POU2F1: variants seen among roughly 807,000 people sequenced by gnomAD.
The protein encoded by POU2F1 is POU domain, class 2, transcription factor 1.
A neutral mutation model predicts 84.9 loss-of-function variants in POU2F1; 16 were observed. The ratio of observed to expected loss-of-function variants is 0.19; its 90% CI spans 0.13 to 0.29. POU2F1 has a LOEUF of 0.29. Ranked by LOEUF, POU2F1 falls within the 10% of genes least tolerant of loss-of-function variation. The pLI is 1.00. For synonymous variants in POU2F1, 368 were observed against 368.3 expected (o/e 1.00, Z 0.01); for missense variants, 738 against 942.6 (o/e 0.78, Z 2.84).
intron 1 of POU2F1, among the ~76,000 whole-genome samples, chr1:167,284,330 T>G (rs941630868): frequency 6.6e-6 from 1 of 152,210 alleles, no homozygotes; most frequent in Non-Finnish European, 1.5e-5. Flanking sequence ...AGGTTCTTGA[T>G]AGTAGAATGA....
chr1:167,246,383 A>G (rs532102333), intron 1 of POU2F1, among the ~76,000 whole-genome samples: 1 of 152,202 alleles, frequency 6.6e-6, no homozygotes, highest in African/African-American at 2.4e-5. Context: ...ATAACTTTAC[A>G]TATTTACATT....
intron 8 of POU2F1, among the ~76,000 whole-genome samples, chr1:167,384,232 C>T (rs962214390): frequency 2.0e-5 from 3 of 152,058 alleles, no homozygotes; most frequent in African/African-American, 4.8e-5. Flanking sequence ...CCATACTTGG[C>T]GGTAGATATT....
At chr1:167,298,161 CAAAT>C (rs1337503909) in intron 1 of POU2F1, among the ~76,000 whole-genome samples, 5 of 151,862 alleles carry the variant, frequency 3.3e-5, no homozygotes, top group Non-Finnish European at 7.4e-5. Context: ...CAAAAACAAA[CAAAT>C]AGAGCAAGAA....
At chr1:167,378,528 T>C (rs1328055184) in intron 7 of POU2F1, among the ~76,000 whole-genome samples, 1 of 151,454 alleles carries the variant, frequency 6.6e-6, no homozygotes, top group Non-Finnish European at 1.5e-5. Flanking sequence ...TGTCTCAGCC[T>C]CCTGAGTAGC....
chr1:167,292,067 A>G (rs1172676783), intron 1 of POU2F1, among the ~76,000 whole-genome samples: 1 of 152,010 alleles, frequency 6.6e-6, no homozygotes, highest in Non-Finnish European at 1.5e-5. Context: ...AAATATTTAT[A>G]TTACCGTGTC....
chr1:167,399,631 A>G (rs1649051622), intron 12 of POU2F1, among the ~76,000 whole-genome samples: 1 of 151,606 alleles, frequency 6.6e-6, no homozygotes, highest in South Asian at 2.1e-4. Flanking sequence ...GTTGTTATTA[A>G]CCCAAGAACT....
intron 2 of POU2F1, among the ~76,000 whole-genome samples, chr1:167,341,014 T>C (rs1156577948): frequency 6.6e-6 from 1 of 152,262 alleles, no homozygotes; most frequent in South Asian, 2.1e-4. Flanking sequence ...ATGATGATGC[T>C]AGGCAATTTA....
At chr1:167,280,952 T>C (rs1238557666) in intron 1 of POU2F1, among the ~76,000 whole-genome samples, 1 of 152,218 alleles carries the variant, frequency 6.6e-6, no homozygotes, top group South Asian at 2.1e-4. Context: ...GTAACACTAA[T>C]GTAAATCATA....
At chr1:167,337,991 G>A in intron 2 of POU2F1, 2 of 386,080 alleles carry the variant, frequency 5.2e-6, no homozygotes, top group South Asian at 2.0e-5. Context: ...TTATGATATG[G>A]GCACTGAAAC....
intron 1 of POU2F1, among the ~76,000 whole-genome samples, chr1:167,262,101 T>C (rs923869808): frequency 3.3e-5 from 5 of 152,234 alleles, no homozygotes; most frequent in Non-Finnish European, 5.9e-5. Context: ...TTTATACTTA[T>C]TTTTAATCAT....
chr1:167,302,227 G>A (rs1352114883), intron 1 of POU2F1, among the ~76,000 whole-genome samples: 1 of 151,024 alleles, frequency 6.6e-6, no homozygotes, highest in Non-Finnish European at 1.5e-5. Flanking sequence ...GGGATTACAG[G>A]CACACGCCAC....
intron 2 of POU2F1, among the ~76,000 whole-genome samples, chr1:167,364,207 A>G (rs922778405): frequency 6.6e-6 from 1 of 152,210 alleles, no homozygotes; most frequent in African/African-American, 2.4e-5. Flanking sequence ...CTTTCCATAA[A>G]TTAGCCCTAT....
At chr1:167,411,870 C>A in intron 13 of POU2F1, 89 bp from the exon 14 acceptor site, 2 of 1,198,992 alleles carry the variant, frequency 1.7e-6, no homozygotes, top group Non-Finnish European at 2.3e-6. Flanking sequence ...GTTAATTATT[C>A]CATTGATTAT....
At chr1:167,324,061 GA>G (rs1459608772) in intron 1 of POU2F1, among the ~76,000 whole-genome samples, 1 of 152,116 alleles carries the variant, frequency 6.6e-6, no homozygotes, top group Non-Finnish European at 1.5e-5. Context: ...ATGTTTCTGT[GA>G]AAATTAAGTT....
intron 1 of POU2F1, among the ~76,000 whole-genome samples, chr1:167,290,409 A>G (rs1227852909): frequency 6.6e-6 from 1 of 152,230 alleles, no homozygotes; most frequent in African/African-American, 2.4e-5. Flanking sequence ...AAAAAAGTGT[A>G]GCACGAAAAC....
intron 1 of POU2F1, among the ~76,000 whole-genome samples, chr1:167,269,389 A>ATATT (rs1652202603): frequency 6.6e-6 from 1 of 152,220 alleles, no homozygotes; most frequent in Non-Finnish European, 1.5e-5. Flanking sequence ...CTATTGAAAT[A>ATATT]GAGACCTCCT....
At chr1:167,244,195 G>C (rs1202205486) in intron 1 of POU2F1, among the ~76,000 whole-genome samples, 1 of 152,224 alleles carries the variant, frequency 6.6e-6, no homozygotes, top group Non-Finnish European at 1.5e-5. Context: ...AGCATGTAAA[G>C]GAAGAAGGAG....
chr1:167,389,515 A>G (rs896256850), intron 8 of POU2F1, 73 bp from the exon 9 acceptor site: 5 of 1,523,148 alleles, frequency 3.3e-6, no homozygotes, highest in Admixed American at 3.5e-5. Flanking sequence ...TCTTTCCTTC[A>G]GTTGTTTACT....
intron 1 of POU2F1, among the ~76,000 whole-genome samples, chr1:167,246,759 G>T (rs7418469): frequency 6.6e-6 from 1 of 151,912 alleles, no homozygotes; most frequent in Non-Finnish European, 1.5e-5. Flanking sequence ...TATGAACAAA[G>T]GTGCTTATCT....
Sources: gnomAD v4.1 joint callset for allele counts (sites outside exome capture counted in the v4.1 genomes callset) on GRCh38, gnomAD v4.1.1 for gene constraint, MANE v1.5 for transcripts, NCBI Gene and HGNC (gene_info 2026-07-23, HGNC 2026-07-21) for gene names.